The following MFNG variants were observed in gnomAD, a reference collection of about 807,000 sequenced individuals.
MFNG encodes beta-1,3-N-acetylglucosaminyltransferase manic fringe.
In MFNG, 24 loss-of-function variants were observed where a neutral mutation model predicts 34.2. The ratio of observed to expected loss-of-function variants is 0.70; its 90% CI spans 0.51 to 0.99. MFNG has a LOEUF of 0.99. Ranked by LOEUF, MFNG falls within the 50% of genes least tolerant of loss-of-function variation. MFNG has a pLI of 0.00. For synonymous variants in MFNG, 158 were observed against 179.2 expected (o/e 0.88, Z 0.94); for missense variants, 383 against 424.0 (o/e 0.90, Z 0.85).
intron 5 of MFNG, among the ~76,000 whole-genome samples, chr22:37,476,549 G>A (rs1922048622): frequency 6.6e-6 from 1 of 152,088 alleles, no homozygotes; most frequent in Non-Finnish European, 1.5e-5. Context: ...AGTCAGAAAA[G>A]GGCGGTAAAT....
chr22:37,470,101 C>T, intron 7 of MFNG, 72 bp from the exon 8 acceptor site: 1 of 1,194,016 alleles, frequency 8.4e-7, no homozygotes, highest in Non-Finnish European at 1.2e-6. Flanking sequence ...CCTAGGTGCA[C>T]ACATGCCACA....
chr22:37,476,694 C>T (rs549364350), intron 5 of MFNG, among the ~76,000 whole-genome samples: 4 of 152,326 alleles, frequency 2.6e-5, no homozygotes, highest in South Asian at 2.1e-4. Flanking sequence ...GTGAGTGGCA[C>T]GTCATGCGCT....
In MFNG at chr22:37,483,451, C is replaced by A. The variant is rs897416530; in HGVS notation, c.255+2472G>T. Among the ~76,000 whole-genome samples, 1 of 151,550 alleles carries A rather than the reference C, an allele frequency of 6.6e-6. No individual in the cohort carries two copies. The highest frequency in any genetic ancestry group is 1.5e-5 in the Non-Finnish European group (1 of 67,968). ...CAGCCACCCGATAGTGAAACACTCT[C>A]AAGCTTGGAGCATGGGCCAAATGGG... On this transcript the variant is annotated intron_variant, in intron 1 of 7. Coordinates refer to ENST00000356998, the MANE Select transcript of MFNG (RefSeq NM_002405.4). The surrounding 1 kb of genome is among the most constrained non-coding windows in gnomAD (Gnocchi z 4.5).
rs1376578240 is a variant in MFNG, at chr22:37,480,701, C to T, written c.304+20G>A. On this transcript the variant is annotated intron_variant, in intron 2 of 7. Coordinates refer to ENST00000356998, the MANE Select transcript of MFNG (RefSeq NM_002405.4). The stretch of plus-strand genomic sequence containing the variant: ...GCAACAGCTAAAGTCCCCCACCACA[C>T]CCAGGCCGGGCAGAGTTACCCAGTC... The T allele has an allele frequency of 1.2e-6, 2 of 1,612,494 alleles. No individual in the cohort carries two copies. Among genetic ancestry groups the T allele is most frequent in the African/African-American group, 1.3e-5 (1 of 75,034 alleles).
intron 5 of MFNG, among the ~76,000 whole-genome samples, chr22:37,476,050 G>A (rs1004647890): frequency 2.6e-5 from 4 of 152,160 alleles, no homozygotes; most frequent in African/African-American, 9.7e-5. Context: ...CTTAATCTCA[G>A]TGCCTCAGTT....
At chr22:37,472,549 G>A in intron 6 of MFNG, 21 bp from the exon 7 acceptor site, 2 of 1,568,936 alleles carry the variant, frequency 1.3e-6, no homozygotes, top group Non-Finnish European at 1.7e-6. Context: ...AGATAGAAGA[G>A]TGTTGGGGCA....
chr22:37,474,675 C>T lies in MFNG; in HGVS notation c.650G>A (p.Gly217Asp). ...LALKMAPWAS[G>D]SRFMDTSALI... ...AGCAGATGTGTCCATGAAACGGGAG[C>T]CACTGAGGGACAGAGCCAGACTGCA... Residue 217 changes from glycine to aspartate, a missense_variant and splice_region_variant, in exon 6 of 8, where the codon GGC (glycine) becomes GAC (aspartate). Coordinates refer to ENST00000356998, the MANE Select transcript of MFNG (RefSeq NM_002405.4). The T allele has an allele frequency of 6.3e-7, 1 of 1,597,420 alleles. No homozygotes were observed. The highest frequency in any genetic ancestry group is 8.5e-7 in the Non-Finnish European group (1 of 1,170,240).
In MFNG at chr22:37,476,984, G is replaced by C. The variant is rs199573207; in HGVS notation, c.562-3C>G. ...GCAAACCAGAACTGTACCAGCCTCT[G>C]AGAGAGAGGAAGGCCAAGGGGCAGA... On this transcript the variant is annotated splice_polypyrimidine_tract_variant and splice_region_variant and intron_variant, in intron 4 of 7. Coordinates refer to ENST00000356998, the MANE Select transcript of MFNG (RefSeq NM_002405.4). 1 of 1,613,906 alleles carries C rather than the reference G, an allele frequency of 6.2e-7. No individual in the cohort carries two copies. Among genetic ancestry groups the C allele is most frequent in the East Asian group, 2.2e-5 (1 of 44,884 alleles).
At chr22:37,477,102 A>C in intron 4 of MFNG, 121 bp from the exon 5 acceptor site, 7 of 784,062 alleles carry the variant, frequency 8.9e-6, no homozygotes, top group African/African-American at 1.7e-5. Context: ...TTTGAATCTC[A>C]CTAGAGTCTT....
Position 37,479,471 on chromosome 22 carries a change from G to A in MFNG, c.435C>T (p.Asn145=). Residue 145 remains asparagine (N), a synonymous_variant, in exon 4 of 8, where the codon AAC becomes AAT. Transcript: ENST00000356998. ...GCAGCAGCGCCCTTGGGTTCACATA[G>A]TTGTCATCGTCCACATGGCAGAACC... ...LRWFCHVDDD[N]YVNPRALLQL... 1 of 1,611,046 alleles carries A rather than the reference G, an allele frequency of 6.2e-7. No homozygotes were observed. The highest frequency in any genetic ancestry group is 1.1e-5 in the South Asian group (1 of 90,610).
At chr22:37,470,603 T>C (rs1316298915) in intron 7 of MFNG, among the ~76,000 whole-genome samples, 1 of 152,236 alleles carries the variant, frequency 6.6e-6, no homozygotes, top group Non-Finnish European at 1.5e-5. Context: ...TTTGTTCCTA[T>C]ATCGAGCCAA....
At position 37,480,716 on chromosome 22, in the gene MFNG, GT is replaced by G; in HGVS notation, c.304+4del. 1.2e-6 allele frequency: 2 copies of G among 1,613,382 alleles called. No homozygotes were observed. Among genetic ancestry groups the G allele is most frequent in the Non-Finnish European group, 1.7e-6 (2 of 1,179,600 alleles). ...CCCCACCACACCCAGGCCGGGCAGA[GT>G]TACCCAGTCTCTCCTGGAGGCCTTT... On this transcript the variant is annotated splice_donor_region_variant and intron_variant, in intron 2 of 7. Transcript: ENST00000356998.
rs114578836 is a variant in MFNG at position 37,480,157 on chromosome 22, C to A, written c.407+40G>T. Reference sequence around the variant, plus strand: ...AGTCCCAGGGGTTATTTTCACTGGGCCCAGACCACACTTATCCCCAGAGAC... The same window carrying A: ...AGTCCCAGGGGTTATTTTCACTGGGACCAGACCACACTTATCCCCAGAGAC... On this transcript the variant is annotated intron_variant, in intron 3 of 7. Coordinates refer to ENST00000356998, the MANE Select transcript of MFNG (RefSeq NM_002405.4). The A allele has an allele frequency of 8.5e-4, 1,298 of 1,534,428 alleles. 8 individuals carry two copies. In the African/African-American group the frequency reaches 0.012, roughly 14 times the overall value.
rs1231044326 is a variant in MFNG, at chr22:37,483,642, G to A, written c.255+2281C>T. ...CTAAAAATAGAAAAATTAGCCGGGC[G>A]TGGTGCGCATGCCTGTAGTCCAAGC... On this transcript the variant is annotated intron_variant, in intron 1 of 7. Coordinates refer to ENST00000356998, the MANE Select transcript of MFNG (RefSeq NM_002405.4). The surrounding 1 kb of genome is among the most constrained non-coding windows in gnomAD (Gnocchi z 4.5). Among the ~76,000 whole-genome samples the A allele has an allele frequency of 2.0e-5, 3 of 152,070 alleles. No homozygotes were observed. Among genetic ancestry groups the A allele is most frequent in the Admixed American group, 1.3e-4 (2 of 15,254 alleles).
At chr22:37,474,123 A>G (rs1921932045) in intron 6 of MFNG, among the ~76,000 whole-genome samples, 3 of 152,196 alleles carry the variant, frequency 2.0e-5, no homozygotes, top group South Asian at 2.1e-4. Flanking sequence ...AACAGGTAAA[A>G]TTAGAAGAGC....
chr22:37,478,074 T>C (rs1922121438), intron 4 of MFNG, among the ~76,000 whole-genome samples: 2 of 152,310 alleles, frequency 1.3e-5, no homozygotes, highest in East Asian at 3.9e-4. Context: ...GGGGACCCCC[T>C]GGCTCCCCTG....
chr22:37,472,663 G>T, intron 6 of MFNG, 135 bp from the exon 7 acceptor site: 1 of 795,852 alleles, frequency 1.3e-6, no homozygotes, highest in Non-Finnish European at 1.9e-6. Flanking sequence ...CCCCGCTGGT[G>T]GTGGGAGCCC....
chr22:37,474,393 C>A, intron 6 of MFNG, 119 bp downstream of exon 6: 2 of 1,240,560 alleles, frequency 1.6e-6, no homozygotes, highest in Non-Finnish European at 2.3e-6. Flanking sequence ...TAGGGAATAC[C>A]CAAGACCCAT....
intron 7 of MFNG, among the ~76,000 whole-genome samples, chr22:37,471,229 A>C (rs1921786967): frequency 6.6e-6 from 1 of 152,128 alleles, no homozygotes; most frequent in Admixed American, 6.6e-5. Flanking sequence ...GTCCCTGCTA[A>C]GTCTCCAAAG....
Sources: gnomAD v4.1 joint callset for allele counts (sites outside exome capture counted in the v4.1 genomes callset) on GRCh38, gnomAD v4.1.1 for gene constraint, Gnocchi (gnomAD v3.1) non-coding constraint, MANE v1.5 for transcripts, NCBI Gene and HGNC (gene_info 2026-07-23, HGNC 2026-07-21) for gene names.